NKD2: variants seen among roughly 807,000 people sequenced by gnomAD.
NKD2 encodes NKD inhibitor of Wnt signaling pathway 2, also known as protein naked cuticle homolog 2.
NKD2 carries 43 observed loss-of-function variants against 34.8 expected under a neutral mutation model. That is an observed-to-expected ratio of 1.24 (90% CI 0.97 to 1.60). The LOEUF is 1.60. NKD2 is among the 40% of genes most tolerant of loss of function. The pLI, the probability that NKD2 is intolerant of heterozygous loss-of-function variation, is 0.00. For synonymous variants in NKD2, 278 were observed against 265.1 expected (o/e 1.05, Z -0.47); for missense variants, 675 against 627.1 (o/e 1.08, Z -0.82).
chr5:1,009,120 C>T lies in NKD2; in HGVS notation c.25+38C>T. 1 of 183,414 alleles carries T rather than the reference C, an allele frequency of 5.5e-6. No homozygotes were observed. The highest frequency in any genetic ancestry group is 9.9e-6 in the Non-Finnish European group (1 of 100,976). 11.4% of individuals were successfully genotyped at this position (183,414 alleles called of 1,614,324 possible). A position where few individuals can be genotyped will look rare whatever the true frequency, so the allele number is the denominator to read the frequency against. ...CCGGTAGGGCGGGAGGGCGGGCGGG[C>T]GGGCGTGGGGCCGCCTCTCACTGTC... On this transcript the variant is annotated intron_variant, in intron 1 of 9. Coordinates refer to ENST00000296849, the MANE Select transcript of NKD2 (RefSeq NM_033120.4). The surrounding 1 kb of genome is among the most constrained non-coding windows in gnomAD (Gnocchi z 6.9).
intron 3 of NKD2, among the ~76,000 whole-genome samples, chr5:1,012,297 A>G (rs1387855969): frequency 6.6e-6 from 1 of 152,250 alleles, no homozygotes; most frequent in African/African-American, 2.4e-5. Context: ...CAGAGGCAGC[A>G]TTGTAGCGAA....
In NKD2 at chr5:1,034,883, A is replaced by G. The variant is rs763132733; in HGVS notation, c.554A>G (p.Glu185Gly). 1 of 1,611,398 alleles carries G rather than the reference A, an allele frequency of 6.2e-7. No homozygotes were observed. ...VSPEPSSKRKEGPPAGQDREP... is the reference protein window; with the variant it reads ...VSPEPSSKRKGGPPAGQDREP... ...CCTGAGCCCTCCAGCAAGAGGAAGG[A>G]GGGTCCTCCTGCTGGCCAGGGTGAG... The change falls in exon 7 of 10, where the codon GAG (glutamate) becomes GGG (glycine). Residue 185 changes from glutamate to glycine, a missense_variant. Glu to Gly is a moderately conservative substitution (Grantham distance 98, BLOSUM62 -2). Coordinates refer to ENST00000296849, the MANE Select transcript of NKD2 (RefSeq NM_033120.4).
intron 9 of NKD2, chr5:1,036,738 A>G (rs1312901065): frequency 2.0e-6 from 1 of 487,934 alleles, no homozygotes; most frequent in Non-Finnish European, 4.0e-6. Context: ...TTAGGGTGGA[A>G]TCACCGGCTC....
rs577163729 is a variant in NKD2, at chr5:1,009,108, A to AGGGCGGGCGGGC, written c.25+32_25+43dup. 203 of 130,990 alleles carry AGGGCGGGCGGGC rather than the reference A, an allele frequency of 1.5e-3. No homozygotes were observed. The highest frequency in any genetic ancestry group is 4.3e-3 in the Middle Eastern group (2 of 462). The allele number at this position is 130,990 out of a possible 1,614,324, so 8.1% of individuals were successfully genotyped here. A position where few individuals can be genotyped will look rare whatever the true frequency, so the allele number is the denominator to read the frequency against. On this transcript the variant is annotated intron_variant, in intron 1 of 9. Transcript: ENST00000296849. This position sits in a 1 kb window ranked among gnomAD's most constrained non-coding sequence, Gnocchi z 6.9. ...GTGAGCCGCGGGCCGGTAGGGCGGG[A>AGGGCGGGCGGGC]GGGCGGGCGGGCGGGCGTGGGGCCG...
rs370727382 is a variant in NKD2 at position 1,038,567 on chromosome 5, C to A, written c.*194C>A. 24 of 1,148,626 alleles carry A rather than the reference C, an allele frequency of 2.1e-5. No homozygotes were observed. The highest frequency in any genetic ancestry group is 2.9e-5 in the Non-Finnish European group (23 of 796,278). The allele number at this position is 1,148,626 out of a possible 1,614,324, so 71.2% of individuals were successfully genotyped here. A position where few individuals can be genotyped will look rare whatever the true frequency, so the allele number is the denominator to read the frequency against. On this transcript the variant is annotated 3_prime_UTR_variant, in exon 10 of 10. Coordinates refer to ENST00000296849, the MANE Select transcript of NKD2 (RefSeq NM_033120.4). The surrounding 1 kb of genome is among the most constrained non-coding windows in gnomAD (Gnocchi z 4.5). Reference sequence around the variant, plus strand: ...CTTGGACACGTGGACAAGGCCCAGGCGCCCTCTGCTCTTCTGCCCTCGATG... The same window carrying A: ...CTTGGACACGTGGACAAGGCCCAGGAGCCCTCTGCTCTTCTGCCCTCGATG...
intron 3 of NKD2, among the ~76,000 whole-genome samples, chr5:1,010,191 G>A (rs1308823677): frequency 6.6e-6 from 1 of 152,144 alleles, no homozygotes; most frequent in East Asian, 1.9e-4. Context: ...ATGTCCAGGA[G>A]CAGAGAACTG....
chr5:1,034,937 A>G (rs770972212), intron 7 of NKD2, 34 bp downstream of exon 7: 2 of 1,574,238 alleles, frequency 1.3e-6, no homozygotes, highest in East Asian at 4.6e-5. Flanking sequence ...AGAGGACCCT[A>G]CCCAACATTG....
chr5:1,008,912 C>A lies in NKD2; in HGVS notation c.-146C>A. The A allele has an allele frequency of 2.6e-6, 1 of 379,928 alleles. No individual in the cohort carries two copies. Among genetic ancestry groups the A allele is most frequent in the South Asian group, 1.4e-4 (1 of 7,326 alleles). 23.5% of individuals were successfully genotyped at this position (379,928 alleles called of 1,614,324 possible). ...TGGCGCCCCCTGGCTCCCCCGGCCCCCGCGCGGCGTGGAGCCATCTTCCCT... is the reference window on the plus strand; with the variant it reads ...TGGCGCCCCCTGGCTCCCCCGGCCCACGCGCGGCGTGGAGCCATCTTCCCT... On this transcript the variant is annotated 5_prime_UTR_variant, in exon 1 of 10. Coordinates refer to ENST00000296849, the MANE Select transcript of NKD2 (RefSeq NM_033120.4).
chr5:1,012,940 G>A (rs992116337), intron 3 of NKD2, among the ~76,000 whole-genome samples: 1 of 152,372 alleles, frequency 6.6e-6, no homozygotes, highest in South Asian at 2.1e-4. Context: ...AGCACAGTCT[G>A]GACGCTACCG....
intron 3 of NKD2, among the ~76,000 whole-genome samples, chr5:1,020,938 G>A (rs1756152200): frequency 6.6e-6 from 1 of 152,146 alleles, no homozygotes. Context: ...CAACACAAAA[G>A]CCCTGTAGTG....
intron 6 of NKD2, 49 bp downstream of exon 6, chr5:1,034,379 GCAGA>G (rs1390731074): frequency 2.1e-6 from 3 of 1,451,806 alleles, no homozygotes; most frequent in African/African-American, 1.4e-5. Context: ...GACAGACGGG[GCAGA>G]CAGACTGTGC....
intron 3 of NKD2, among the ~76,000 whole-genome samples, chr5:1,019,318 C>T (rs551151837): frequency 3.5e-4 from 53 of 152,298 alleles, no homozygotes; most frequent in African/African-American, 1.1e-3. Flanking sequence ...TTGTGTGTCC[C>T]GTAACAAAGA....
At chr5:1,026,877 T>G (rs1419306651) in intron 3 of NKD2, among the ~76,000 whole-genome samples, 2 of 152,202 alleles carry the variant, frequency 1.3e-5, no homozygotes, top group Admixed American at 6.5e-5. Flanking sequence ...AGCCTAAGCT[T>G]GGCAGGCGCC....
At chr5:1,011,895 G>T (rs565951668) in intron 3 of NKD2, among the ~76,000 whole-genome samples, 1 of 152,230 alleles carries the variant, frequency 6.6e-6, no homozygotes, top group South Asian at 2.1e-4. Context: ...GGACCCGCAC[G>T]GCTTCATCAC....
At chr5:1,010,029 G>A (rs1755689646) in intron 3 of NKD2, among the ~76,000 whole-genome samples, 1 of 152,178 alleles carries the variant, frequency 6.6e-6, no homozygotes, top group African/African-American at 2.4e-5. Flanking sequence ...AGAGTCAGAG[G>A]CCTCGGTGCC....
intron 8 of NKD2, chr5:1,035,713 C>T (rs1733871108): frequency 1.8e-6 from 1 of 544,234 alleles, no homozygotes; most frequent in African/African-American, 1.9e-5. Context: ...CCACAGCGGC[C>T]TTGACACCCT....
intron 3 of NKD2, among the ~76,000 whole-genome samples, chr5:1,012,233 G>A (rs1755779180): frequency 6.6e-6 from 1 of 152,270 alleles, no homozygotes; most frequent in Non-Finnish European, 1.5e-5. Context: ...TGTTGTGAAT[G>A]GAGCACAGGC....
chr5:1,034,390 G>A (rs1733718234), intron 6 of NKD2, 60 bp downstream of exon 6: 1 of 1,405,248 alleles, frequency 7.1e-7, no homozygotes, highest in Non-Finnish European at 1.0e-6. Flanking sequence ...CAGACAGACT[G>A]TGCTGGCCTC....
intron 8 of NKD2, 190 bp from the exon 9 acceptor site, chr5:1,036,067 G>A (rs1219960626): frequency 7.6e-7 from 1 of 1,311,718 alleles, no homozygotes; most frequent in African/African-American, 1.5e-5. Context: ...GGGGTCGGCT[G>A]TGACCTTGTT....
Sources: gnomAD v4.1 joint callset for allele counts (sites outside exome capture counted in the v4.1 genomes callset) on GRCh38, gnomAD v4.1.1 for gene constraint, Gnocchi (gnomAD v3.1) non-coding constraint, MANE v1.5 for transcripts, NCBI Gene and HGNC (gene_info 2026-07-23, HGNC 2026-07-21) for gene names.